Variants in IKZF2 observed in about 807,000 individuals in gnomAD.
IKZF2 encodes the protein zinc finger protein Helios.
In IKZF2, 15 loss-of-function variants were observed where a neutral mutation model predicts 49.2. That is an observed-to-expected ratio of 0.30 (90% CI 0.20 to 0.47). The LOEUF is 0.47. IKZF2 is among the 20% of genes least tolerant of loss of function. The pLI is 1.00. For missense variants in IKZF2, 567 were observed against 664.6 expected (o/e 0.85, Z 1.61); for synonymous variants, 227 against 221.4 (o/e 1.03, Z -0.23).
chr2:213,093,042 TGTA>T (rs1705535734), intron 4 of IKZF2, among the ~76,000 whole-genome samples: 3 of 152,186 alleles, frequency 2.0e-5, no homozygotes, highest in Non-Finnish European at 4.4e-5. Context: ...ACAATGATTG[TGTA>T]CCTGCTCTAT....
At chr2:213,013,171 C>T (rs1696164384) in intron 8 of IKZF2, among the ~76,000 whole-genome samples, 1 of 151,886 alleles carries the variant, frequency 6.6e-6, no homozygotes, top group Non-Finnish European at 1.5e-5. Context: ...AAATATGAAA[C>T]ATCTTGAATG....
chr2:213,072,917 T>G (rs1702861810), intron 4 of IKZF2, among the ~76,000 whole-genome samples: 1 of 152,124 alleles, frequency 6.6e-6, no homozygotes, highest in Admixed American at 6.5e-5. Flanking sequence ...TTATTCTGCT[T>G]AAGCTTCTTC....
At position 213,001,738 on chromosome 2, in the gene IKZF2, A is replaced by G. The variant is rs978622937; in HGVS notation, c.*5622T>C. 1 of 151,826 alleles carries G rather than the reference A, an allele frequency of 6.6e-6. No homozygotes were observed. The highest frequency in any genetic ancestry group is 1.5e-5 in the Non-Finnish European group (1 of 67,462). 9.4% of individuals were successfully genotyped at this position (151,826 alleles called of 1,614,324 possible). A position where few individuals can be genotyped will look rare whatever the true frequency, so the allele number is the denominator to read the frequency against. ...AATGACAGAAGGGAGACGGACAAAGAAAGAGGCTGAGGGAGATGTAACAAA... is the reference window on the plus strand; with the variant it reads ...AATGACAGAAGGGAGACGGACAAAGGAAGAGGCTGAGGGAGATGTAACAAA... On this transcript the variant is annotated 3_prime_UTR_variant, in exon 9 of 9. Coordinates refer to ENST00000434687, the MANE Select transcript of IKZF2 (RefSeq NM_001387220.1).
chr2:213,039,036 A>G (rs1446642629), intron 6 of IKZF2, among the ~76,000 whole-genome samples: 1 of 151,936 alleles, frequency 6.6e-6, no homozygotes, highest in African/African-American at 2.4e-5. Flanking sequence ...AAATTTGAAG[A>G]TATGAAGAAG....
At chr2:213,134,145 A>G (rs2060572382) in intron 4 of IKZF2, among the ~76,000 whole-genome samples, 1 of 152,210 alleles carries the variant, frequency 6.6e-6, no homozygotes, top group Non-Finnish European at 1.5e-5. Flanking sequence ...TGGAACCCTC[A>G]GTGCCTGTGT....
chr2:213,066,232 G>A (rs566015500), intron 4 of IKZF2, among the ~76,000 whole-genome samples: 2 of 152,036 alleles, frequency 1.3e-5, no homozygotes, highest in African/African-American at 2.4e-5. Context: ...GGTCACTAAG[G>A]ACGCTTAAAC....
intron 6 of IKZF2, among the ~76,000 whole-genome samples, chr2:213,023,384 A>G (rs560004370): frequency 1.1e-4 from 17 of 152,346 alleles, no homozygotes; most frequent in African/African-American, 3.8e-4. Context: ...AATTAAGATC[A>G]GTTATTTCAT....
chr2:213,082,505 G>T (rs1046394870), intron 4 of IKZF2, among the ~76,000 whole-genome samples: 1 of 152,118 alleles, frequency 6.6e-6, no homozygotes, highest in Non-Finnish European at 1.5e-5. Flanking sequence ...TTGCACAAAA[G>T]AATCTGTGCT....
chr2:213,001,322 C>G lies in IKZF2; in HGVS notation c.*6038G>C, dbSNP rs1694883653. On this transcript the variant is annotated 3_prime_UTR_variant, in exon 9 of 9. Transcript: ENST00000434687. ...GAGAAAGTTAAGACTCTTTGCTTTA[C>G]ATTTTTAACACCTTTCTAAACACTT... The G allele has an allele frequency of 6.6e-6, 1 of 151,914 alleles. No homozygotes were observed. The highest frequency in any genetic ancestry group is 6.6e-5 in the Admixed American group (1 of 15,144). The allele number at this position is 151,914 out of a possible 1,614,324, so 9.4% of individuals were successfully genotyped here.
At chr2:213,018,921 A>G (rs1046026113) in intron 7 of IKZF2, among the ~76,000 whole-genome samples, 1 of 152,182 alleles carries the variant, frequency 6.6e-6, no homozygotes. Context: ...GGTTAATTCT[A>G]CATCTATGTT....
At chr2:213,112,465 T>C (rs980731229) in intron 4 of IKZF2, among the ~76,000 whole-genome samples, 1 of 148,108 alleles carries the variant, frequency 6.8e-6, no homozygotes, top group African/African-American at 2.5e-5. Context: ...TCTTTCCTTC[T>C]TTCTTTTTTT....
rs372734153 is a variant in IKZF2 at position 213,007,908 on chromosome 2, C to T, written c.1033G>A (p.Ala345Thr). The T allele has an allele frequency of 1.1e-5, 17 of 1,613,348 alleles. No homozygotes were observed. The highest frequency in any genetic ancestry group is 1.1e-5 in the South Asian group (1 of 91,070). The change falls in exon 9 of 9, where the codon GCT becomes ACT. Residue 345 changes from alanine (A) to threonine (T), a missense_variant. Around this residue, in one of 5 missense-constraint regions of IKZF2, gnomAD observed 310 missense variants for 326.9 expected, o/e 0.95. Transcript: ENST00000434687. ...PLMQHPPSTIAEVAPVISSAY... is the reference protein window; with the variant it reads ...PLMQHPPSTITEVAPVISSAY... ...GAGCTTATAACTGGGGCCACTTCAG[C>T]GATTGTGCTTGGCGGGTGCTGCATC...
intron 6 of IKZF2, among the ~76,000 whole-genome samples, chr2:213,039,184 C>A (rs1699362102): frequency 6.6e-6 from 1 of 151,870 alleles, no homozygotes; most frequent in Non-Finnish European, 1.5e-5. Context: ...CAGGAATTTT[C>A]TCATAATAGG....
rs546866957 is a variant in IKZF2, at chr2:213,125,327, A to C, written c.139+22381T>G. Among the ~76,000 whole-genome samples, 12 of 152,254 alleles carry C rather than the reference A, an allele frequency of 7.9e-5. No individual in the cohort carries two copies. The South Asian group carries it at 1.2e-3, about 16-fold the overall frequency. ...GTTCCTAATAGAGTTTTTAATTATA[A>C]TTTCTCCCAGACACTGAAGCAGAAA... On this transcript the variant is annotated intron_variant, in intron 4 of 8. Transcript: ENST00000434687.
At chr2:213,138,682 G>A (rs2060763258) in intron 4 of IKZF2, among the ~76,000 whole-genome samples, 1 of 151,996 alleles carries the variant, frequency 6.6e-6, no homozygotes, top group African/African-American at 2.4e-5. Context: ...TAATCAAGGT[G>A]TGGCCCACAA....
intron 7 of IKZF2, among the ~76,000 whole-genome samples, chr2:213,017,614 C>T (rs867522978): frequency 8.5e-5 from 13 of 152,144 alleles, no homozygotes; most frequent in South Asian, 8.3e-4. Context: ...CATGGAGGTA[C>T]CCCAAGTGTT....
intron 4 of IKZF2, among the ~76,000 whole-genome samples, chr2:213,136,384 A>AG (rs1249580498): frequency 1.8e-5 from 2 of 110,838 alleles, no homozygotes; most frequent in Non-Finnish European, 4.0e-5. Flanking sequence ...AAAAAAAAAA[A>AG]AAAAAAAGAA....
chr2:213,098,309 A>G (rs1429276807), intron 4 of IKZF2, among the ~76,000 whole-genome samples: 1 of 152,122 alleles, frequency 6.6e-6, no homozygotes, highest in Non-Finnish European at 1.5e-5. Flanking sequence ...CTAGAATCCA[A>G]GTTTCCAATT....
At chr2:213,021,746 G>A (rs1352320576) in intron 7 of IKZF2, 1 of 556,710 alleles carries the variant, frequency 1.8e-6, no homozygotes, top group Non-Finnish European at 3.3e-6. Context: ...AAAAAGAAGA[G>A]TAAATAGTAC....
Sources: gnomAD v4.1 joint callset for allele counts (sites outside exome capture counted in the v4.1 genomes callset) on GRCh38, gnomAD v4.1.1 for gene constraint, gnomAD v4.1.1 regional missense constraint, MANE v1.5 for transcripts, NCBI Gene and HGNC (gene_info 2026-07-23, HGNC 2026-07-21) for gene names.